SLC5A5: variants seen among roughly 807,000 people sequenced by gnomAD.
SLC5A5 encodes solute carrier family 5 member 5, also known as sodium/iodide cotransporter.
In SLC5A5, 56 loss-of-function variants were observed where a neutral mutation model predicts 68.6. The observed-to-expected ratio is 0.82, with a 90% CI of 0.66 to 1.02. The LOEUF is 1.02. Ranked by LOEUF, SLC5A5 falls within the 50% of genes least tolerant of loss-of-function variation. The probability of loss-of-function intolerance (pLI) is 0.00; values close to 1 mark genes in which losing one functional copy is unlikely to be tolerated. For missense variants in SLC5A5, 807 were observed against 859.8 expected, an observed-to-expected ratio of 0.94 and a Z score of 0.77; for synonymous variants, 398 against 373.0, an observed-to-expected ratio of 1.07 and a Z score of -0.77.
chr19:17,887,716 G>T (rs1375125961), intron 12 of SLC5A5, among the ~76,000 whole-genome samples: 1 of 150,772 alleles, frequency 6.6e-6, no homozygotes, highest in African/African-American at 2.4e-5. Context: ...TCCTGCCTCA[G>T]CCTCTCGAGT....
chr19:17,884,167 G>A (rs1248000891), intron 12 of SLC5A5, 121 bp downstream of exon 12: 6 of 923,582 alleles, frequency 6.5e-6, no homozygotes, highest in Non-Finnish European at 1.0e-5. Context: ...CCTGGGGGAG[G>A]GAACGGTAGG....
In SLC5A5 at chr19:17,888,443, A is replaced by G; in HGVS notation, c.1639A>G (p.Ser547Gly). ...LTTVLCGALI[S>G]CLTGPTKRST... Reference sequence around the variant, plus strand: ...CACTGTGCTGTGCGGAGCCCTCATCAGCTGCCTGACAGGTAGGTAAACAGA... The same window carrying G: ...CACTGTGCTGTGCGGAGCCCTCATCGGCTGCCTGACAGGTAGGTAAACAGA... The change falls in exon 13 of 15, where the codon AGC (serine) becomes GGC (glycine). Residue 547 changes from serine to glycine, a missense_variant. By Grantham distance (56) the Ser-to-Gly change is moderately conservative. Transcript: ENST00000222248. The G allele has an allele frequency of 6.2e-7, 1 of 1,613,788 alleles. No individual in the cohort carries two copies. The highest frequency in any genetic ancestry group is 1.1e-5 in the South Asian group (1 of 91,072).
chr19:17,882,925 C>T (rs773746956), intron 10 of SLC5A5, among the ~76,000 whole-genome samples: 51 of 152,134 alleles, frequency 3.4e-4, no homozygotes, highest in Non-Finnish European at 5.7e-4. Flanking sequence ...CCTCGTGATC[C>T]GCCCTCCTCG....
At chr19:17,880,061 G>A (rs899168240) in intron 7 of SLC5A5, among the ~76,000 whole-genome samples, 3 of 151,962 alleles carry the variant, frequency 2.0e-5, no homozygotes, top group Admixed American at 2.0e-4. Context: ...ACCATGCCCA[G>A]CTAATTTTTT....
rs924122698 is a variant in SLC5A5 at position 17,894,791 on chromosome 19, C to T, written c.*914C>T. On this transcript the variant is annotated 3_prime_UTR_variant, in exon 15 of 15. Transcript: ENST00000222248. ...GAGGCTCTCGAATTGGGTTGTGTCC[C>T]CCCAAAATTTATGTCTACCCAGAAC... 1.3e-5 allele frequency: 2 copies of T among 152,156 alleles called. No individual in the cohort carries two copies. Among genetic ancestry groups the T allele is most frequent in the Non-Finnish European group, 2.9e-5 (2 of 68,062 alleles). 9.4% of individuals were successfully genotyped at this position (152,156 alleles called of 1,614,324 possible).
chr19:17,880,817 G>A, intron 7 of SLC5A5, 48 bp from the exon 8 acceptor site: 1 of 1,392,272 alleles, frequency 7.2e-7, no homozygotes, highest in Non-Finnish European at 1.0e-6. Flanking sequence ...AGATGCCCCG[G>A]TCCTCGGGGT....
chr19:17,877,599 C>T (rs555174644), intron 5 of SLC5A5, 124 bp from the exon 6 acceptor site: 47 of 1,240,280 alleles, frequency 3.8e-5, no homozygotes, highest in African/African-American at 2.1e-4. Flanking sequence ...TGAGCCACTG[C>T]GCCTGGCCAA....
rs1200035272 is a variant in SLC5A5 at position 17,890,855 on chromosome 19, C to G, written c.1652-31C>G. Reference sequence around the variant, plus strand: ...CCCCCATGACCCCTTCACTGAATGCCTGGATTTCTCCATTTCTCCCCGCCT... The same window carrying G: ...CCCCCATGACCCCTTCACTGAATGCGTGGATTTCTCCATTTCTCCCCGCCT... On this transcript the variant is annotated intron_variant, in intron 13 of 14. Transcript: ENST00000222248. 5 of 1,497,908 alleles carry G rather than the reference C, an allele frequency of 3.3e-6. 1 individual carries two copies. The South Asian group carries it at 5.6e-5, about 17-fold the overall frequency. The allele number at this position is 1,497,908 out of a possible 1,614,324, so 92.8% of individuals were successfully genotyped here.
At chr19:17,878,899 C>G (rs577115674) in intron 7 of SLC5A5, among the ~76,000 whole-genome samples, 1 of 124,174 alleles carries the variant, frequency 8.1e-6, no homozygotes, top group African/African-American at 3.1e-5. Context: ...AGCTTGAACC[C>G]GGGAGGTGGA....
chr19:17,891,634 T>C (rs1046382313), intron 14 of SLC5A5, among the ~76,000 whole-genome samples: 11 of 152,186 alleles, frequency 7.2e-5, no homozygotes, highest in Non-Finnish European at 1.2e-4. Context: ...GCTGTTAGGG[T>C]ATTGATGTAA....
chr19:17,885,456 T>C (rs115527059), intron 12 of SLC5A5, among the ~76,000 whole-genome samples: 1 of 151,964 alleles, frequency 6.6e-6, no homozygotes, highest in Non-Finnish European at 1.5e-5. Context: ...CACAGCTCAC[T>C]GCACCATTGA....
At chr19:17,874,002 G>T in intron 1 of SLC5A5, 136 bp from the exon 2 acceptor site, 1 of 712,486 alleles carries the variant, frequency 1.4e-6, no homozygotes, top group South Asian at 1.5e-5. Context: ...GTGCGGCGGG[G>T]CCCCCACGTG....
rs746145642 is a variant in SLC5A5 at position 17,883,721 on chromosome 19, T to C, written c.1283T>C (p.Leu428Pro). 6.8e-7 allele frequency: 1 copy of C among 1,479,354 alleles called. No homozygotes were observed. The highest frequency in any genetic ancestry group is 9.1e-7 in the Non-Finnish European group (1 of 1,101,288). The allele number at this position is 1,479,354 out of a possible 1,614,324, so 91.6% of individuals were successfully genotyped here. A position where few individuals can be genotyped will look rare whatever the true frequency, so the allele number is the denominator to read the frequency against. The change falls in exon 11 of 15, where the codon CTG becomes CCG. Residue 428 changes from leucine to proline, a missense_variant. Physicochemically the swap from Leu to Pro is moderately conservative, Grantham distance 98 (BLOSUM62 -3). Transcript: ENST00000222248. ...ATGGGAGTCATCAGCGGCCCCCTGC[T>C]GGGAGCCTTCATCTTGGGAATGTTC... ...TVMGVISGPL[L>P]GAFILGMFLP...
chr19:17,892,800 G>C (rs1349495875), intron 14 of SLC5A5, among the ~76,000 whole-genome samples: 1 of 152,078 alleles, frequency 6.6e-6, no homozygotes, highest in African/African-American at 2.4e-5. Context: ...AGGGAAGTCA[G>C]GGGTGGCCTC....
chr19:17,881,987 G>A lies in SLC5A5; in HGVS notation c.1086G>A (p.Met362Ile). The A allele has an allele frequency of 6.2e-7, 1 of 1,614,162 alleles. No homozygotes were observed. Reference protein sequence around the residue: ...LSTASTSINAMAAVTVEDLIK... With the variant: ...LSTASTSINAIAAVTVEDLIK... ...CAGCATCCACCAGCATCAATGCTAT[G>A]GCTGCAGTCACTGTAGAAGACCTCA... is the stretch of plus-strand genomic sequence containing the variant. The change falls in exon 9 of 15, where the codon ATG (methionine) becomes ATA (isoleucine). Residue 362 changes from methionine (M) to isoleucine (I), a missense_variant. Physicochemically the swap from Met to Ile is conservative, Grantham distance 10. Coordinates refer to ENST00000222248, the MANE Select transcript of SLC5A5 (RefSeq NM_000453.3).
At chr19:17,892,652 C>CAGAGAGAGAGAGAGAGAGAGAGAG (rs58081153) in intron 14 of SLC5A5, among the ~76,000 whole-genome samples, 18 of 97,400 alleles carry the variant, frequency 1.8e-4, no homozygotes, top group Admixed American at 5.1e-4. Context: ...AAAGAAAAGA[C>CAGAGAGAGAGAGAGAGAGAGAGAG]AGAGAGAGAG....
intron 10 of SLC5A5, among the ~76,000 whole-genome samples, chr19:17,882,710 G>T (rs2094323599): frequency 6.6e-6 from 1 of 151,660 alleles, no homozygotes; most frequent in East Asian, 1.9e-4. Context: ...TTGAGACGGA[G>T]TCTCGCTCTG....
intron 10 of SLC5A5, 45 bp from the exon 11 acceptor site, chr19:17,883,636 G>A (rs778016210): frequency 6.6e-7 from 1 of 1,512,000 alleles, no homozygotes; most frequent in South Asian, 1.1e-5. Flanking sequence ...GCCCAGAGCG[G>A]TGGGAGGGCT....
chr19:17,873,612 C>T (rs111239184), intron 1 of SLC5A5, among the ~76,000 whole-genome samples: 3,381 of 152,032 alleles, frequency 0.022, 128 homozygotes, highest in African/African-American at 0.077. Flanking sequence ...AAAAATTAGC[C>T]GGGCATGGTC....
Sources: allele counts gnomAD v4.1 joint callset (sites outside exome capture counted in the v4.1 genomes callset), GRCh38; gene constraint gnomAD v4.1.1; transcripts MANE v1.5; gene names NCBI Gene and HGNC (gene_info 2026-07-23, HGNC 2026-07-21).